TNKS: variants seen among roughly 807,000 people sequenced by gnomAD.
The protein encoded by TNKS is tankyrase.
Under a neutral mutation model 135.8 loss-of-function variants are expected in TNKS, and 72 were observed. The ratio of observed to expected loss-of-function variants is 0.53; its 90% CI spans 0.44 to 0.64. TNKS has a LOEUF of 0.64. TNKS is among the 30% of genes least tolerant of loss of function. The pLI, the probability that TNKS is intolerant of heterozygous loss-of-function variation, is 0.00. For missense variants in TNKS, 1,769 were observed against 1,674.0 expected (o/e 1.06, Z -0.99); for synonymous variants, 849 against 649.3 (o/e 1.31, Z -4.68).
intron 2 of TNKS, among the ~76,000 whole-genome samples, chr8:9,595,265 C>A (rs2128756214): frequency 6.6e-6 from 1 of 152,044 alleles, no homozygotes; most frequent in South Asian, 2.1e-4. Flanking sequence ...GGATTACAGG[C>A]ACCCTTGAAT....
chr8:9,711,467 A>C (rs1043730279), intron 11 of TNKS, among the ~76,000 whole-genome samples: 1 of 152,232 alleles, frequency 6.6e-6, no homozygotes. Flanking sequence ...TTTTATAAAT[A>C]TCATACTTGA....
In TNKS at chr8:9,773,994, T is replaced by TTTGA. The variant is rs1353718459; in HGVS notation, c.3898-2651_3898-2648dup. 2.0e-5 allele frequency among the ~76,000 whole-genome samples: 3 copies of TTTGA among 152,324 alleles called. No homozygotes were observed. The East Asian group carries it at 5.8e-4, about 29-fold the overall frequency. On this transcript the variant is annotated intron_variant, in intron 26 of 26. Coordinates refer to ENST00000310430, the MANE Select transcript of TNKS (RefSeq NM_003747.3). ...CAAAAACACACACGTTTTATGTGTT[T>TTTGA]TTGATTGAGGATGATTTGAGTAGTA...
chr8:9,714,677 G>A (rs969967719), intron 11 of TNKS, among the ~76,000 whole-genome samples: 3 of 152,296 alleles, frequency 2.0e-5, no homozygotes, highest in East Asian at 3.9e-4. Flanking sequence ...AGAAGGAAGA[G>A]GAAGATAAAA....
chr8:9,693,207 G>T (rs978083862), intron 5 of TNKS, among the ~76,000 whole-genome samples: 2 of 152,074 alleles, frequency 1.3e-5, no homozygotes, highest in Non-Finnish European at 2.9e-5. Context: ...AATAATTATG[G>T]TACAGCCACA....
chr8:9,759,739 C>T (rs1807041725), intron 20 of TNKS, among the ~76,000 whole-genome samples: 2 of 152,042 alleles, frequency 1.3e-5, no homozygotes. Context: ...CTTTGGGAGG[C>T]CAAGACGGGC....
chr8:9,647,363 T>A (rs1002952168), intron 3 of TNKS, among the ~76,000 whole-genome samples: 2 of 152,188 alleles, frequency 1.3e-5, no homozygotes, highest in Admixed American at 6.5e-5. Flanking sequence ...ATTGCATTTA[T>A]TTTGCACCAA....
intron 20 of TNKS, among the ~76,000 whole-genome samples, chr8:9,754,201 G>A (rs149921824): frequency 1.4e-3 from 208 of 152,226 alleles, no homozygotes; most frequent in Non-Finnish European, 2.5e-3. Context: ...GAACATAGAC[G>A]TATCATTTTG....
intron 7 of TNKS, among the ~76,000 whole-genome samples, chr8:9,706,548 A>G (rs1043907466): frequency 1.3e-5 from 2 of 152,148 alleles, no homozygotes; most frequent in Non-Finnish European, 2.9e-5. Flanking sequence ...TTTTTTGTAG[A>G]GACGAGGTTT....
chr8:9,672,711 C>CACACAAA (rs1399922732), intron 3 of TNKS, among the ~76,000 whole-genome samples: 48 of 85,234 alleles, frequency 5.6e-4, no homozygotes, highest in Non-Finnish European at 8.7e-4. Flanking sequence ...CACACACACA[C>CACACAAA]AAAAAAAAAA....
intron 3 of TNKS, among the ~76,000 whole-genome samples, chr8:9,632,186 A>C (rs1563130337): frequency 6.6e-6 from 1 of 152,188 alleles, no homozygotes; most frequent in South Asian, 2.1e-4. Context: ...TTTTTGCCTC[A>C]AAGTTGTACT....
At chr8:9,583,184 AG>A (rs1798235443) in intron 2 of TNKS, among the ~76,000 whole-genome samples, 2 of 149,032 alleles carry the variant, frequency 1.3e-5, no homozygotes, top group East Asian at 4.0e-4. Context: ...AAAAAAAAAA[AG>A]TCCATTTAGA....
At position 9,734,845 on chromosome 8, in the gene TNKS, T is replaced by G. The variant is rs1355168991; in HGVS notation, c.2314-20T>G. On this transcript the variant is annotated intron_variant, in intron 15 of 26. Transcript: ENST00000310430. ...TTACTACAGAAAATACAAACCCCAT[T>G]TGGTTTTTCTTCTTTGTAGCATGGA... 6.3e-7 allele frequency: 1 copy of G among 1,598,662 alleles called. No homozygotes were observed. The highest frequency in any genetic ancestry group is 1.1e-5 in the South Asian group (1 of 88,640).
At chr8:9,702,279 C>G (rs1418655973) in intron 5 of TNKS, among the ~76,000 whole-genome samples, 1 of 152,106 alleles carries the variant, frequency 6.6e-6, no homozygotes, top group East Asian at 1.9e-4. Flanking sequence ...GCACTGCAAG[C>G]TCCAATTGTG....
At chr8:9,765,571 T>C (rs1807390818) in intron 23 of TNKS, 121 bp from the exon 24 acceptor site, 1 of 765,826 alleles carries the variant, frequency 1.3e-6, no homozygotes, top group African/African-American at 1.8e-5. Flanking sequence ...GCTTTATCAC[T>C]TTTAAATTAT....
intron 3 of TNKS, among the ~76,000 whole-genome samples, chr8:9,648,568 A>C (rs557290198): frequency 6.6e-6 from 1 of 152,300 alleles, no homozygotes; most frequent in East Asian, 1.9e-4. Context: ...TATCATTTTC[A>C]AGTATTATGT....
Position 9,706,127 on chromosome 8 carries a change from C to T in TNKS, c.1203-60C>T, listed in dbSNP as rs202008821. The T allele has an allele frequency of 1.6e-4, 197 of 1,203,202 alleles. No individual in the cohort carries two copies. The East Asian group carries it at 4.4e-3, about 27-fold the overall frequency. 74.5% of individuals were successfully genotyped at this position (1,203,202 alleles called of 1,614,324 possible). ...ATTTATTGGATTTTATTTCTTAGTA[C>T]GACATGGATAAATAAGTTGTTTGAA... On this transcript the variant is annotated intron_variant, in intron 6 of 26. Coordinates refer to ENST00000310430, the MANE Select transcript of TNKS (RefSeq NM_003747.3).
Position 9,640,851 on chromosome 8 carries a change from T to G in TNKS, c.994+25174T>G, listed in dbSNP as rs756184859. On this transcript the variant is annotated intron_variant, in intron 3 of 26. Transcript: ENST00000310430. ...TATCTAAGCACAGACCTAAACAAGG[T>G]CACTGTGTAACTCACAACATACCCA... 1.8e-4 allele frequency among the ~76,000 whole-genome samples: 26 copies of G among 145,750 alleles called. 2 individuals carry two copies. Among genetic ancestry groups the G allele is most frequent in the Non-Finnish European group, 3.0e-5 (2 of 66,564 alleles).
chr8:9,605,188 G>T (rs1799168461), intron 2 of TNKS, among the ~76,000 whole-genome samples: 3 of 151,934 alleles, frequency 2.0e-5, no homozygotes, highest in Admixed American at 2.0e-4. Context: ...TTTTCTTCTT[G>T]TCAGCCATCC....
intron 18 of TNKS, among the ~76,000 whole-genome samples, chr8:9,750,719 C>A (rs28675389): frequency 0.084 from 12,796 of 152,232 alleles, 611 homozygotes; most frequent in South Asian, 0.17. Context: ...CACTAAGCCA[C>A]CCCCAAACCC....
Sources: gnomAD v4.1 joint callset for allele counts (sites outside exome capture counted in the v4.1 genomes callset) on GRCh38, gnomAD v4.1.1 for gene constraint, MANE v1.5 for transcripts, NCBI Gene and HGNC (gene_info 2026-07-23, HGNC 2026-07-21) for gene names.